ASZ1: variants seen among roughly 807,000 people sequenced by gnomAD.
The protein encoded by ASZ1 is ankyrin repeat, SAM and basic leucine zipper domain containing 1, also known as ankyrin repeat, SAM and basic leucine zipper domain-containing protein 1.
Under a neutral mutation model 61.8 loss-of-function variants are expected in ASZ1, and 67 were observed. The observed-to-expected ratio is 1.08, with a 90% confidence interval of 0.89 to 1.33. The LOEUF is 1.33. Ranked by LOEUF, ASZ1 falls within the 40% of genes most tolerant of loss-of-function variation. ASZ1 has a pLI of 0.00. For synonymous variants in ASZ1, 193 were observed against 192.7 expected (o/e 1.00, Z -0.01); for missense variants, 577 against 554.5 (o/e 1.04, Z -0.41).
chr7:117,389,865 T>C (rs1401000142), intron 4 of ASZ1, among the ~76,000 whole-genome samples: 94 of 152,202 alleles, frequency 6.2e-4, no homozygotes, highest in Admixed American at 6.2e-3. Flanking sequence ...CTCCTATTCT[T>C]GGTTTATGGG....
chr7:117,364,353 C>G (rs182356217), intron 12 of ASZ1, among the ~76,000 whole-genome samples: 2 of 151,408 alleles, frequency 1.3e-5, no homozygotes, highest in African/African-American at 2.4e-5. Context: ...TCTCCCCTAC[C>G]TACTGTGTGT....
intron 10 of ASZ1, among the ~76,000 whole-genome samples, chr7:117,372,840 T>G (rs1796072395): frequency 6.6e-6 from 1 of 152,192 alleles, no homozygotes; most frequent in African/African-American, 2.4e-5. Flanking sequence ...CACATGACCT[T>G]TTATATTGTG....
chr7:117,397,740 T>C (rs1283232519), intron 4 of ASZ1, among the ~76,000 whole-genome samples: 1 of 152,118 alleles, frequency 6.6e-6, no homozygotes, highest in Non-Finnish European at 1.5e-5. Flanking sequence ...AAAATCCCCA[T>C]CTCTCCACAG....
chr7:117,385,279 G>A (rs1331142748), intron 5 of ASZ1, among the ~76,000 whole-genome samples: 1 of 150,780 alleles, frequency 6.6e-6, no homozygotes, highest in Non-Finnish European at 1.5e-5. Flanking sequence ...TTTTTTTTGA[G>A]ATGGAGTTTC....
intron 6 of ASZ1, 60 bp downstream of exon 6, chr7:117,384,666 T>A (rs1796313457): frequency 6.6e-7 from 1 of 1,511,332 alleles, no homozygotes; most frequent in South Asian, 1.2e-5. Context: ...AATACAAAAG[T>A]TCTACAAATG....
rs1391140531 is a variant in ASZ1 at position 117,384,861 on chromosome 7, C to T, written c.553-1G>A. ...CCTGACGTGCTGCCCACGTTAAAGC[C>T]TGTAAGTAGGGGGAAAAGAAGATTG... On this transcript the variant is annotated splice_acceptor_variant, in intron 5 of 12. Coordinates refer to ENST00000284629, the MANE Select transcript of ASZ1 (RefSeq NM_130768.3). LOFTEE classifies it high-confidence loss of function. 1 of 1,571,054 alleles carries T rather than the reference C, an allele frequency of 6.4e-7. No individual in the cohort carries two copies. The highest frequency in any genetic ancestry group is 2.0e-5 in the Admixed American group (1 of 50,318).
intron 2 of ASZ1, among the ~76,000 whole-genome samples, chr7:117,424,389 C>A (rs1797157428): frequency 6.6e-6 from 1 of 152,104 alleles, no homozygotes; most frequent in African/African-American, 2.4e-5. Flanking sequence ...GAAGGAAATA[C>A]CCTAAAACAG....
At chr7:117,409,145 A>T (rs1346728313) in intron 4 of ASZ1, among the ~76,000 whole-genome samples, 1 of 152,036 alleles carries the variant, frequency 6.6e-6, no homozygotes, top group Non-Finnish European at 1.5e-5. Context: ...AGAAAGAAGG[A>T]AAGGGAATAT....
chr7:117,406,785 A>G (rs949164751), intron 4 of ASZ1, among the ~76,000 whole-genome samples: 2 of 152,056 alleles, frequency 1.3e-5, no homozygotes, highest in African/African-American at 4.8e-5. Context: ...GATTCAAAAT[A>G]TATGACAACA....
chr7:117,403,411 G>A (rs1796717394), intron 4 of ASZ1, among the ~76,000 whole-genome samples: 1 of 152,050 alleles, frequency 6.6e-6, no homozygotes, highest in African/African-American at 2.4e-5. Flanking sequence ...CTCACGAGTG[G>A]TATTGCTTCA....
intron 3 of ASZ1, 109 bp from the exon 4 acceptor site, chr7:117,420,383 C>A (rs1158479259): frequency 1.6e-6 from 1 of 633,554 alleles, no homozygotes; most frequent in Non-Finnish European, 2.5e-6. Context: ...TCTATAACCT[C>A]TTCCCAAATC....
intron 2 of ASZ1, among the ~76,000 whole-genome samples, chr7:117,422,586 C>G (rs1282377772): frequency 6.6e-6 from 1 of 152,142 alleles, no homozygotes; most frequent in African/African-American, 2.4e-5. Flanking sequence ...ACTGATATGA[C>G]TGATGTTTTA....
Position 117,363,533 on chromosome 7 carries a change from A to C in ASZ1, c.*63T>G. On this transcript the variant is annotated 3_prime_UTR_variant, in exon 13 of 13. Coordinates refer to ENST00000284629, the MANE Select transcript of ASZ1 (RefSeq NM_130768.3). ...AGTTATATTGTGCTGCAAACAGTTA[A>C]AAGCAATGATTTTTGGATGGTTCAA... 7.6e-7 allele frequency: 1 copy of C among 1,321,720 alleles called. No homozygotes were observed. 81.9% of individuals were successfully genotyped at this position (1,321,720 alleles called of 1,614,324 possible).
rs1797118871 is a variant in ASZ1, at chr7:117,422,510, A to ATAGT, written c.206-155_206-152dup. 8.2e-6 allele frequency: 7 copies of ATAGT among 853,966 alleles called. No individual in the cohort carries two copies. In the East Asian group the frequency reaches 1.9e-4, roughly 24 times the overall value. The allele number at this position is 853,966 out of a possible 1,614,324, so 52.9% of individuals were successfully genotyped here. A position where few individuals can be genotyped will look rare whatever the true frequency, so the allele number is the denominator to read the frequency against. On this transcript the variant is annotated intron_variant, in intron 2 of 12. Coordinates refer to ENST00000284629, the MANE Select transcript of ASZ1 (RefSeq NM_130768.3). ...TTTAATGGCTTCCAAAAAATACAAA[A>ATAGT]TAGTTATATTGGGACATTAACACAA...
At chr7:117,378,097 G>A (rs148093304) in intron 10 of ASZ1, among the ~76,000 whole-genome samples, 447 of 152,148 alleles carry the variant, frequency 2.9e-3, no homozygotes, top group Non-Finnish European at 3.9e-3. Context: ...AAAAGCACAG[G>A]AGAAAATCTT....
At chr7:117,402,715 T>C (rs1796703103) in intron 4 of ASZ1, among the ~76,000 whole-genome samples, 1 of 152,190 alleles carries the variant, frequency 6.6e-6, no homozygotes, top group Non-Finnish European at 1.5e-5. Context: ...CTATAAAGCT[T>C]AAGAAGGTCT....
chr7:117,399,639 C>A (rs1366274139), intron 4 of ASZ1, among the ~76,000 whole-genome samples: 1 of 148,724 alleles, frequency 6.7e-6, no homozygotes, highest in African/African-American at 2.5e-5. Flanking sequence ...GTAAAGTGTC[C>A]AGAACAGGCG....
At chr7:117,427,230 G>A in intron 1 of ASZ1, 126 bp downstream of exon 1, 7 of 1,147,948 alleles carry the variant, frequency 6.1e-6, no homozygotes, top group East Asian at 4.7e-5. Flanking sequence ...ACAAACTCCC[G>A]TATTTCCACT....
intron 4 of ASZ1, among the ~76,000 whole-genome samples, chr7:117,417,490 G>C (rs1028129387): frequency 6.6e-6 from 1 of 152,118 alleles, no homozygotes; most frequent in African/African-American, 2.4e-5. Context: ...TCTTCTAATA[G>C]GTTTTGATTT....
Sources: gnomAD v4.1 joint callset for allele counts (sites outside exome capture counted in the v4.1 genomes callset) on GRCh38, gnomAD v4.1.1 for gene constraint, MANE v1.5 for transcripts, NCBI Gene and HGNC (gene_info 2026-07-23, HGNC 2026-07-21) for gene names.